Variants in HPSE2 observed in about 807,000 individuals in gnomAD.
HPSE2 encodes heparanase 2 (inactive), also known as inactive heparanase-2.
Under a neutral mutation model 60.5 loss-of-function variants are expected in HPSE2, and 38 were observed. The observed-to-expected ratio is 0.63, with a 90% CI of 0.48 to 0.82. HPSE2 has a LOEUF of 0.82. HPSE2 is among the 40% of genes least tolerant of loss of function. The pLI is 0.00. For missense variants in HPSE2, 713 were observed against 740.4 expected (o/e 0.96, Z 0.43); for synonymous variants, 295 against 293.2 (o/e 1.01, Z -0.06).
the HPSE2 span, among the ~76,000 whole-genome samples, chr10:99,271,387 T>C: frequency 5.9e-5 from 9 of 152,090 alleles, no homozygotes; most frequent in Non-Finnish European, 1.2e-4. Context: ...CCTTTTACAA[T>C]AGCTGTGAAA....
the HPSE2 span, among the ~76,000 whole-genome samples, chr10:99,305,952 C>T: frequency 3.5e-5 from 2 of 57,702 alleles, no homozygotes; most frequent in African/African-American, 1.3e-4. Flanking sequence ...AATATCCAAA[C>T]TCACACACAC....
chr10:98,819,015 G>T (rs1042802305), intron 3 of HPSE2, among the ~76,000 whole-genome samples: 3 of 152,122 alleles, frequency 2.0e-5, no homozygotes, highest in Non-Finnish European at 2.9e-5. Context: ...ATAAAACATG[G>T]TACTTTAACA....
intron 3 of HPSE2, among the ~76,000 whole-genome samples, chr10:98,953,306 A>G (rs1291515993): frequency 6.6e-6 from 1 of 152,048 alleles, no homozygotes; most frequent in Non-Finnish European, 1.5e-5. Flanking sequence ...CATGACTAGA[A>G]CCTTGCTGAC....
intron 3 of HPSE2, among the ~76,000 whole-genome samples, chr10:99,111,028 A>G (rs1215533594): frequency 6.6e-6 from 1 of 152,064 alleles, no homozygotes; most frequent in Non-Finnish European, 1.5e-5. Context: ...TTTTTTGTGT[A>G]TCTAGATAGC....
chr10:99,224,070 G>A (rs1183238422), intron 2 of HPSE2, among the ~76,000 whole-genome samples: 1 of 152,074 alleles, frequency 6.6e-6, no homozygotes, highest in Non-Finnish European at 1.5e-5. Context: ...ACTCTTGAGA[G>A]TACAGTTCAT....
At chr10:98,651,453 A>T (rs1462130629) in intron 6 of HPSE2, among the ~76,000 whole-genome samples, 1 of 152,190 alleles carries the variant, frequency 6.6e-6, no homozygotes, top group East Asian at 1.9e-4. Flanking sequence ...AGGAATTCTA[A>T]TGTCATAATT....
At chr10:98,706,431 C>T (rs1589678382) in intron 5 of HPSE2, among the ~76,000 whole-genome samples, 1 of 152,232 alleles carries the variant, frequency 6.6e-6, no homozygotes, top group Non-Finnish European at 1.5e-5. Context: ...TGGCTCAGGG[C>T]CTCTGCTACA....
chr10:98,578,364 CAACT>C (rs144655608), intron 9 of HPSE2, among the ~76,000 whole-genome samples: 6,443 of 152,232 alleles, frequency 0.042, 212 homozygotes, highest in Non-Finnish European at 0.068. Context: ...CACTTTCAAC[CAACT>C]ATTTCCACAC....
chr10:98,977,072 G>T (rs1956102451), intron 3 of HPSE2, among the ~76,000 whole-genome samples: 1 of 152,174 alleles, frequency 6.6e-6, no homozygotes, highest in African/African-American at 2.4e-5. Context: ...CTGACACCTT[G>T]ATTTCAGACC....
chr10:99,211,572 C>T (rs1024213165), intron 2 of HPSE2, among the ~76,000 whole-genome samples: 3 of 152,076 alleles, frequency 2.0e-5, no homozygotes, highest in African/African-American at 7.2e-5. Flanking sequence ...TTACACTCAA[C>T]TGATTTTTGA....
intron 3 of HPSE2, among the ~76,000 whole-genome samples, chr10:98,997,845 A>G (rs1956684276): frequency 6.6e-6 from 1 of 152,214 alleles, no homozygotes; most frequent in African/African-American, 2.4e-5. Flanking sequence ...CAAAGTGAAG[A>G]CGAGGAAGGT....
At chr10:99,283,498 C>CA in the HPSE2 span, among the ~76,000 whole-genome samples, 1 of 42,202 alleles carries the variant, frequency 2.4e-5, no homozygotes, top group Non-Finnish European at 5.1e-5. Flanking sequence ...AAGACCCTCA[C>CA]AAAAAATCAA....
intron 3 of HPSE2, among the ~76,000 whole-genome samples, chr10:99,108,307 T>A (rs1246518441): frequency 6.6e-6 from 1 of 151,844 alleles, no homozygotes; most frequent in Non-Finnish European, 1.5e-5. Context: ...AAGTATTTTA[T>A]AACTTTGGAC....
chr10:98,986,039 A>G (rs1453278263), intron 3 of HPSE2, among the ~76,000 whole-genome samples: 1 of 152,182 alleles, frequency 6.6e-6, no homozygotes, highest in South Asian at 2.1e-4. Flanking sequence ...ACACAATAAT[A>G]ATGGGAGACT....
At chr10:98,496,848 T>C (rs904735975) in intron 9 of HPSE2, among the ~76,000 whole-genome samples, 1 of 152,194 alleles carries the variant, frequency 6.6e-6, no homozygotes, top group Non-Finnish European at 1.5e-5. Flanking sequence ...TTCAAGTTTG[T>C]AGTTTGACTT....
intron 3 of HPSE2, among the ~76,000 whole-genome samples, chr10:99,044,702 G>T (rs1266682614): frequency 6.6e-6 from 1 of 150,542 alleles, no homozygotes; most frequent in East Asian, 2.0e-4. Context: ...AAAAAAAATA[G>T]CAGGAATTGT....
intron 3 of HPSE2, among the ~76,000 whole-genome samples, chr10:98,942,834 G>T (rs375224666): frequency 6.6e-6 from 1 of 151,694 alleles, no homozygotes; most frequent in East Asian, 1.9e-4. Context: ...ACCAACCCAA[G>T]TGTCCAACAA....
intron 10 of HPSE2, among the ~76,000 whole-genome samples, chr10:98,487,936 T>G (rs1344761446): frequency 6.6e-6 from 1 of 152,242 alleles, no homozygotes; most frequent in Non-Finnish European, 1.5e-5. Flanking sequence ...CTCAGCCAGC[T>G]CCGTGCATTC....
intron 6 of HPSE2, among the ~76,000 whole-genome samples, chr10:98,657,317 T>C (rs1278398323): frequency 6.6e-6 from 1 of 150,458 alleles, no homozygotes; most frequent in Non-Finnish European, 1.5e-5. Flanking sequence ...GTTCCTTCCC[T>C]CTTTCCTCCA....
Sources: allele counts gnomAD v4.1 joint callset (sites outside exome capture counted in the v4.1 genomes callset), GRCh38; gene constraint gnomAD v4.1.1; transcripts MANE v1.5; gene names NCBI Gene and HGNC (gene_info 2026-07-23, HGNC 2026-07-21).